The following HCN2 variants were observed in gnomAD, a reference collection of about 807,000 sequenced individuals.
HCN2 encodes the protein potassium/sodium hyperpolarization-activated cyclic nucleotide-gated channel 2.
In HCN2, 20 loss-of-function variants were observed where a neutral mutation model predicts 52.3. The observed-to-expected ratio is 0.38, with a 90% CI of 0.27 to 0.56. The LOEUF is 0.56. Among genes scored for constraint, HCN2 ranks in the 20% least tolerant of loss-of-function variants. HCN2 has a pLI of 0.71. For missense variants in HCN2, 981 were observed against 1,207.7 expected, an observed-to-expected ratio of 0.81 and a Z score of 2.78; for synonymous variants, 694 against 537.0, an observed-to-expected ratio of 1.29 and a Z score of -4.04.
intron 5 of HCN2, among the ~76,000 whole-genome samples, chr19:611,579 G>A (rs892015849): frequency 9.2e-5 from 14 of 152,176 alleles, no homozygotes; most frequent in Admixed American, 3.3e-4. Flanking sequence ...GGTTCGCTTC[G>A]CCAAGAATGT....
chr19:616,389 A>C lies in HCN2; in HGVS notation c.2585A>C (p.Asp862Ala), dbSNP rs1389658703. Reference protein sequence around the residue: ...PAARAAAPSPDRRDSASPGAA... With the variant: ...PAARAAAPSPARRDSASPGAA... ...GCCCGGGCCGCCGCGCCCAGCCCGGACCGCAGGGACTCGGCCTCACCCGGC... is the reference window on the plus strand; with the variant it reads ...GCCCGGGCCGCCGCGCCCAGCCCGGCCCGCAGGGACTCGGCCTCACCCGGC... Residue 862 changes from aspartate (D) to alanine (A), a missense_variant, in exon 8 of 8, where the codon GAC becomes GCC. This residue lies in a region of HCN2 where 368 missense variants were observed against 314.8 expected (regional missense o/e 1.17). Coordinates refer to ENST00000251287, the MANE Select transcript of HCN2 (RefSeq NM_001194.4). 1 of 1,235,908 alleles carries C rather than the reference A, an allele frequency of 8.1e-7. No homozygotes were observed. The highest frequency in any genetic ancestry group is 3.8e-5 in the Admixed American group (1 of 26,044). The allele number at this position is 1,235,908 out of a possible 1,614,324, so 76.6% of individuals were successfully genotyped here.
At chr19:594,839 G>A (rs1014835831) in intron 1 of HCN2, among the ~76,000 whole-genome samples, 24 of 152,106 alleles carry the variant, frequency 1.6e-4, no homozygotes, top group Non-Finnish European at 4.4e-5. Flanking sequence ...GCGTGGAGGG[G>A]TCAGGGGTCG....
intron 1 of HCN2, among the ~76,000 whole-genome samples, chr19:600,346 T>C (rs1025364656): frequency 2.0e-5 from 3 of 151,734 alleles, no homozygotes; most frequent in East Asian, 1.9e-4. Context: ...CTAATTTTTG[T>C]ATTATTATTT....
At chr19:602,923 T>A (rs943148296) in intron 1 of HCN2, among the ~76,000 whole-genome samples, 1 of 150,152 alleles carries the variant, frequency 6.7e-6, no homozygotes, top group Non-Finnish European at 1.5e-5. Flanking sequence ...GAGGGAGGAG[T>A]GCCCAGGGCT....
intron 6 of HCN2, 148 bp from the exon 7 acceptor site, chr19:613,704 C>T (rs1422352196): frequency 5.8e-5 from 16 of 276,246 alleles, no homozygotes; most frequent in African/African-American, 4.1e-4. Context: ...GGGATGGGGC[C>T]GGGGATGGGG....
chr19:613,194 G>A, intron 5 of HCN2, 54 bp from the exon 6 acceptor site: 1 of 1,552,618 alleles, frequency 6.4e-7, no homozygotes, highest in Non-Finnish European at 8.7e-7. Flanking sequence ...GGCAGGGCGA[G>A]GGGGAAGCGG....
chr19:610,730 C>T (rs900525050), intron 5 of HCN2, among the ~76,000 whole-genome samples: 1 of 152,200 alleles, frequency 6.6e-6, no homozygotes, highest in Non-Finnish European at 1.5e-5. Context: ...CCTGGGGGCA[C>T]TGAGGCTGAT....
In HCN2 at chr19:613,720, G is replaced by GCCGGGGCCGGCACCGGCA. The variant is rs1555732151; in HGVS notation, c.1826-128_1826-127insGGCCGGCACCGGCACCGG. On this transcript the variant is annotated intron_variant, in intron 6 of 7. Coordinates refer to ENST00000251287, the MANE Select transcript of HCN2 (RefSeq NM_001194.4). Reference sequence around the variant, plus strand: ...GGATGGGGCCGGGGATGGGGCCGGGGCCGGCACCAGGGAGAGCCTGGGTGG... The same window carrying GCCGGGGCCGGCACCGGCA: ...GGATGGGGCCGGGGATGGGGCCGGGGCCGGGGCCGGCACCGGCACCGGCACCAGGGAGAGCCTGGGTGG... The GCCGGGGCCGGCACCGGCA allele has an allele frequency of 1.2e-3, 568 of 459,654 alleles. 44 individuals are homozygous for GCCGGGGCCGGCACCGGCA. The highest frequency in any genetic ancestry group is 7.1e-3 in the East Asian group (153 of 21,544). The allele number at this position is 459,654 out of a possible 1,614,324, so 28.5% of individuals were successfully genotyped here.
chr19:615,096 G>A (rs1983837247), intron 7 of HCN2, among the ~76,000 whole-genome samples: 1 of 152,048 alleles, frequency 6.6e-6, no homozygotes, highest in South Asian at 2.1e-4. Context: ...GTACAGGCAG[G>A]TGTTTTCGGT....
At chr19:610,125 A>T in intron 4 of HCN2, 134 bp from the exon 5 acceptor site, 2 of 1,013,706 alleles carry the variant, frequency 2.0e-6, no homozygotes, top group South Asian at 1.5e-5. Context: ...ACCCACAAGC[A>T]GGTGCCCGTG....
Position 617,140 on chromosome 19 carries a change from A to G in HCN2, c.*666A>G. On this transcript the variant is annotated 3_prime_UTR_variant, in exon 8 of 8. Transcript: ENST00000251287. ...CCCCACACCCCCATTCCGCGCAATA[A>G]ACGACAGCATTGGCGCCAAGCCTGG... is the stretch of plus-strand genomic sequence containing the variant. 1 of 949,612 alleles carries G rather than the reference A, an allele frequency of 1.1e-6. No homozygotes were observed. Among genetic ancestry groups the G allele is most frequent in the Non-Finnish European group, 1.6e-6 (1 of 615,000 alleles). The allele number at this position is 949,612 out of a possible 1,614,324, so 58.8% of individuals were successfully genotyped here.
intron 5 of HCN2, among the ~76,000 whole-genome samples, chr19:612,214 G>A (rs561581419): frequency 8.1e-4 from 124 of 152,210 alleles, no homozygotes; most frequent in African/African-American, 2.9e-3. Flanking sequence ...TCCCTAAAGG[G>A]AACGTGGTGT....
chr19:601,005 T>C (rs1170429133), intron 1 of HCN2, among the ~76,000 whole-genome samples: 2 of 152,106 alleles, frequency 1.3e-5, no homozygotes, highest in Non-Finnish European at 2.9e-5. Context: ...TGGCCTGTCC[T>C]GGACATTTCG....
At chr19:604,618 G>C (rs1161174299) in intron 2 of HCN2, among the ~76,000 whole-genome samples, 2 of 135,344 alleles carry the variant, frequency 1.5e-5, no homozygotes, top group African/African-American at 5.9e-5. Flanking sequence ...TATGAGGGTT[G>C]TGCTGGGCGG....
chr19:599,272 A>C (rs368000335), intron 1 of HCN2, among the ~76,000 whole-genome samples: 82 of 152,332 alleles, frequency 5.4e-4, no homozygotes, highest in African/African-American at 1.9e-3. Context: ...TGGTGTTAAC[A>C]GCTTTTCCCT....
Position 616,224 on chromosome 19 carries a change from C to G in HCN2, c.2420C>G (p.Ala807Gly). 7 of 992,442 alleles carry G rather than the reference C, an allele frequency of 7.1e-6. No homozygotes were observed. Among genetic ancestry groups the G allele is most frequent in the Non-Finnish European group, 8.4e-6 (7 of 836,966 alleles). 61.5% of individuals were successfully genotyped at this position (992,442 alleles called of 1,614,324 possible). Residue 807 changes from alanine (A) to glycine (G), a missense_variant, in exon 8 of 8, where the codon GCC becomes GGC. Ala to Gly is a moderately conservative substitution (Grantham distance 60, BLOSUM62 0). This residue lies in a region of HCN2 where 368 missense variants were observed against 314.8 expected (regional missense o/e 1.17). Coordinates refer to ENST00000251287, the MANE Select transcript of HCN2 (RefSeq NM_001194.4). ...CCCGCCGCCCCCCTTGCTGGGCCCG[C>G]CCTGCCCGCGCGCCGCCTGAGCCGC... ...GLPAAPLAGPALPARRLSRAS... is the reference protein window; with the variant it reads ...GLPAAPLAGPGLPARRLSRAS...
In HCN2 at chr19:616,786, G is replaced by A. The variant is rs920479331; in HGVS notation, c.*312G>A. 20 of 221,944 alleles carry A rather than the reference G, an allele frequency of 9.0e-5. No homozygotes were observed. Among genetic ancestry groups the A allele is most frequent in the Non-Finnish European group, 1.4e-4 (16 of 113,252 alleles). 13.7% of individuals were successfully genotyped at this position (221,944 alleles called of 1,614,324 possible). On this transcript the variant is annotated 3_prime_UTR_variant, in exon 8 of 8. Transcript: ENST00000251287. ...AAGACAGGGACGGGGCGGCCCAGTG[G>A]CTGAGAGGAGCCGGCTGTGGAGCCC... is the stretch of plus-strand genomic sequence containing the variant.
Position 616,119 on chromosome 19 carries a change from C to T in HCN2, c.2315C>T (p.Pro772Leu), listed in dbSNP as rs1399232912. The change falls in exon 8 of 8, where the codon CCC becomes CTC. Residue 772 changes from proline to leucine, a missense_variant. Pro to Leu is a moderately conservative substitution (Grantham distance 98). Coordinates refer to ENST00000251287, the MANE Select transcript of HCN2 (RefSeq NM_001194.4). ...PPGPAPAAAS[P>L]GPPPPASPPG... ...GGGCCCGCACCTGCCGCCGCCTCAC[C>T]CGGGCCCCCGCCCCCCGCCAGCCCC... is the stretch of plus-strand genomic sequence containing the variant. 3.2e-6 allele frequency: 3 copies of T among 949,624 alleles called. No individual in the cohort carries two copies. 58.8% of individuals were successfully genotyped at this position (949,624 alleles called of 1,614,324 possible).
At chr19:601,782 A>G (rs1292737869) in intron 1 of HCN2, among the ~76,000 whole-genome samples, 2 of 151,980 alleles carry the variant, frequency 1.3e-5, no homozygotes, top group East Asian at 1.9e-4. Flanking sequence ...CTGACCCTCT[A>G]TGACCTCCTG....
Sources: allele counts gnomAD v4.1 joint callset (sites outside exome capture counted in the v4.1 genomes callset), GRCh38; gene constraint gnomAD v4.1.1; regional missense constraint gnomAD v4.1.1; transcripts MANE v1.5; gene names NCBI Gene and HGNC (gene_info 2026-07-23, HGNC 2026-07-21).